HECTD4: variants seen among roughly 807,000 people sequenced by gnomAD.
The protein encoded by HECTD4 is probable E3 ubiquitin-protein ligase HECTD4.
HECTD4 carries 114 observed loss-of-function variants against 471.5 expected under a neutral mutation model. That is an observed-to-expected ratio of 0.24 (90% CI 0.21 to 0.28). The LOEUF is 0.28. Among genes scored for constraint, HECTD4 ranks in the 10% least tolerant of loss-of-function variants. The pLI, the probability that HECTD4 is intolerant of heterozygous loss-of-function variation, is 1.00. For synonymous variants in HECTD4, 2,012 were observed against 2,256.0 expected, an observed-to-expected ratio of 0.89 and a Z score of 3.07; for missense variants, 3,866 against 5,651.5, an observed-to-expected ratio of 0.68 and a Z score of 10.13.
chr12:112,225,326 C>T (rs1452058246), intron 44 of HECTD4, among the ~76,000 whole-genome samples: 1 of 126,214 alleles, frequency 7.9e-6, no homozygotes, highest in Admixed American at 7.8e-5. Context: ...TTTTAAAAGA[C>T]CAAAAAAAAA....
chr12:112,371,488 T>C (rs766066178), intron 1 of HECTD4, among the ~76,000 whole-genome samples: 1 of 151,726 alleles, frequency 6.6e-6, no homozygotes. Context: ...GGCAGAAGAA[T>C]AGCTTGAACC....
chr12:112,334,612 G>A (rs2035907242), intron 1 of HECTD4, among the ~76,000 whole-genome samples: 1 of 131,638 alleles, frequency 7.6e-6, no homozygotes, highest in Non-Finnish European at 1.6e-5. Flanking sequence ...GGTCAACACA[G>A]TAACCCCTGT....
At chr12:112,169,952 C>G (rs1299820572) in intron 69 of HECTD4, 7 of 562,726 alleles carry the variant, frequency 1.2e-5, no homozygotes, top group Non-Finnish European at 2.2e-5. Flanking sequence ...ACTCCTCTCT[C>G]GTTTCCTCTG....
chr12:112,190,034 G>A (rs1445321648), intron 60 of HECTD4, among the ~76,000 whole-genome samples: 1 of 152,000 alleles, frequency 6.6e-6, no homozygotes. Context: ...GATTACAGGC[G>A]TGAGCCACTG....
rs2031019450 is a variant in HECTD4 at position 112,167,547 on chromosome 12, G to A, written c.12313-9C>T. The A allele has an allele frequency of 1.0e-5, 16 of 1,565,714 alleles. No homozygotes were observed. Among genetic ancestry groups the A allele is most frequent in the Non-Finnish European group, 1.3e-5 (15 of 1,152,712 alleles). ...GTCAGGATATACTTGCCCTGGAAGT[G>A]GAGGTGGGCATGAGGTGACCTGGGC... On this transcript the variant is annotated splice_polypyrimidine_tract_variant and intron_variant, in intron 71 of 75. Coordinates refer to ENST00000682272, the MANE Select transcript of HECTD4 (RefSeq NM_001388303.1).
intron 6 of HECTD4, among the ~76,000 whole-genome samples, chr12:112,308,435 C>CAAAAAAAAAAAAAAAAAAA (rs1044637619): frequency 1.9e-5 from 1 of 53,252 alleles, no homozygotes; most frequent in Non-Finnish European, 4.1e-5. Flanking sequence ...TCAAAAAAAG[C>CAAAAAAAAAAAAAAAAAAA]AAAAAAAAAA....
intron 18 of HECTD4, among the ~76,000 whole-genome samples, chr12:112,260,495 G>A (rs978313775): frequency 6.6e-6 from 1 of 152,082 alleles, no homozygotes; most frequent in African/African-American, 2.4e-5. Flanking sequence ...TACACTGTAG[G>A]ATTCTTTTAG....
intron 48 of HECTD4, among the ~76,000 whole-genome samples, chr12:112,214,021 CA>C (rs371100477): frequency 6.7e-6 from 1 of 149,326 alleles, no homozygotes; most frequent in Non-Finnish European, 1.5e-5. Context: ...GACCCAGTCT[CA>C]AAAAAAATAA....
intron 7 of HECTD4, among the ~76,000 whole-genome samples, chr12:112,290,256 G>T (rs1485639231): frequency 6.6e-6 from 1 of 151,786 alleles, no homozygotes; most frequent in Non-Finnish European, 1.5e-5. Flanking sequence ...GGAGGTTGAG[G>T]CTACAGTAAG....
At chr12:112,169,313 G>A (rs1343843343) in intron 70 of HECTD4, among the ~76,000 whole-genome samples, 190 bp downstream of exon 70, 1 of 152,146 alleles carries the variant, frequency 6.6e-6, no homozygotes, top group Non-Finnish European at 1.5e-5. Flanking sequence ...GGGACTGGCC[G>A]AGGCTTCCAC....
chr12:112,266,504 A>C (rs1208307170), intron 14 of HECTD4, among the ~76,000 whole-genome samples: 2 of 152,218 alleles, frequency 1.3e-5, no homozygotes, highest in African/African-American at 4.8e-5. Flanking sequence ...TCTTTGAGAC[A>C]GGGTCTCATT....
intron 24 of HECTD4, 26 bp from the exon 25 acceptor site, chr12:112,250,403 C>G: frequency 6.7e-7 from 1 of 1,494,916 alleles, no homozygotes; most frequent in Non-Finnish European, 9.3e-7. Flanking sequence ...AGAGGCTCTT[C>G]ACTTCCTCTC....
intron 19 of HECTD4, 100 bp downstream of exon 19, chr12:112,259,012 G>A: frequency 9.7e-7 from 1 of 1,025,968 alleles, no homozygotes; most frequent in Non-Finnish European, 1.4e-6. Flanking sequence ...GTTTCTGAAA[G>A]GCAGGATTAT....
chr12:112,244,065 A>G, intron 29 of HECTD4, 56 bp from the exon 30 acceptor site: 1 of 1,575,548 alleles, frequency 6.3e-7, no homozygotes, highest in Non-Finnish European at 8.7e-7. Flanking sequence ...CAACAGCCAA[A>G]TGCAACACAG....
In HECTD4 at chr12:112,175,810, A is replaced by G. The variant is rs896443143; in HGVS notation, c.11520T>C (p.Ile3840=). 1.1e-5 allele frequency: 17 copies of G among 1,613,616 alleles called. No individual in the cohort carries two copies. Among genetic ancestry groups the G allele is most frequent in the Non-Finnish European group, 1.4e-5 (17 of 1,179,752 alleles). ...LTLEGFHKFV[I]DRARQDIRSV... ...TACGGATATCTTGCCTGGCTCGGTC[A>G]ATAACAAATTTGTGAAATCCTTCCA... The change falls in exon 66 of 76, where the codon ATT becomes ATC. Residue 3840 remains isoleucine (I), a synonymous_variant. Coordinates refer to ENST00000682272, the MANE Select transcript of HECTD4 (RefSeq NM_001388303.1).
At chr12:112,169,945 C>T in intron 69 of HECTD4, 1 of 568,038 alleles carries the variant, frequency 1.8e-6, no homozygotes, top group Non-Finnish European at 3.2e-6. Context: ...CCCCCCAACT[C>T]CTCTCTCGTT....
Position 112,163,106 on chromosome 12 carries a change from C to G in HECTD4, c.13056G>C (p.Gly4352=), listed in dbSNP as rs371389017. 20 of 1,613,846 alleles carry G rather than the reference C, an allele frequency of 1.2e-5. No individual in the cohort carries two copies. Among genetic ancestry groups the G allele is most frequent in the Middle Eastern group, 1.6e-4 (1 of 6,082 alleles). ...GGGGCACATGGGCAGTGTCGGGACC[C>G]CCATCTTTGCAGGGGCAGGTGAACG... The part of the protein sequence containing the change: ...RIPFTCPCKD[G]GPDTAHVPPY... Residue 4352 remains glycine (G), a synonymous_variant, in exon 75 of 76, where the codon GGG becomes GGC. Coordinates refer to ENST00000682272, the MANE Select transcript of HECTD4 (RefSeq NM_001388303.1). This position sits in a 1 kb window ranked among gnomAD's most constrained non-coding sequence, Gnocchi z 8.2.
chr12:112,364,724 C>T (rs1254721665), intron 1 of HECTD4, among the ~76,000 whole-genome samples: 4 of 152,108 alleles, frequency 2.6e-5, no homozygotes, highest in African/African-American at 9.7e-5. Context: ...AAAGCGAGAC[C>T]CTGTCTCAAT....
chr12:112,228,672 G>C lies in HECTD4; in HGVS notation c.6659C>G (p.Ser2220Cys). The C allele has an allele frequency of 6.2e-7, 1 of 1,607,192 alleles. No individual in the cohort carries two copies. Residue 2220 changes from serine to cysteine, a missense_variant, in exon 42 of 76, where the codon TCT becomes TGT. Ser to Cys is a moderately radical substitution (Grantham distance 112, BLOSUM62 -1). Coordinates refer to ENST00000682272, the MANE Select transcript of HECTD4 (RefSeq NM_001388303.1). The surrounding 1 kb of genome is among the most constrained non-coding windows in gnomAD (Gnocchi z 4.9). ...CTCTGATCTTGGAACACAAAGTCTA[G>C]ACAATGGAATAGTCAATGTGTCTGA... ...QASDTLTIPLSRLCVPRSEAL... is the reference protein window; with the variant it reads ...QASDTLTIPLCRLCVPRSEAL...
Sources: gnomAD v4.1 joint callset for allele counts (sites outside exome capture counted in the v4.1 genomes callset) on GRCh38, gnomAD v4.1.1 for gene constraint, Gnocchi (gnomAD v3.1) non-coding constraint, MANE v1.5 for transcripts, NCBI Gene and HGNC (gene_info 2026-07-23, HGNC 2026-07-21) for gene names.